The following MS4A4A variants were observed in gnomAD, a reference collection of about 807,000 sequenced individuals.
MS4A4A encodes membrane-spanning 4-domains subfamily A member 4A.
MS4A4A carries 26 observed loss-of-function variants against 28.0 expected under a neutral mutation model. The observed-to-expected ratio is 0.93, with a 90% CI of 0.68 to 1.29. The LOEUF is 1.29. Ranked by LOEUF, MS4A4A falls within the 50% of genes most tolerant of loss-of-function variation. The pLI, the probability that MS4A4A is intolerant of heterozygous loss-of-function variation, is 0.00. For missense variants in MS4A4A, 290 were observed against 293.1 expected, an observed-to-expected ratio of 0.99 and a Z score of 0.08; for synonymous variants, 86 against 100.8, an observed-to-expected ratio of 0.85 and a Z score of 0.88.
At chr11:60,287,854 T>C (rs1426145340) in intron 1 of MS4A4A, among the ~76,000 whole-genome samples, 2 of 152,150 alleles carry the variant, frequency 1.3e-5, no homozygotes, top group East Asian at 3.8e-4. Context: ...GTGTAAGTGG[T>C]TTCAAGTGAG....
At chr11:60,289,593 G>GTA (rs1430185864) in intron 1 of MS4A4A, among the ~76,000 whole-genome samples, 1 of 64,062 alleles carries the variant, frequency 1.6e-5, no homozygotes, top group Non-Finnish European at 3.6e-5. Flanking sequence ...GTGTGTGTGT[G>GTA]TATGTGTGTG....
At chr11:60,282,541 T>C in intron 1 of MS4A4A, 9 of 1,265,854 alleles carry the variant, frequency 7.1e-6, no homozygotes, top group Non-Finnish European at 9.2e-6. Context: ...TAAAATGCTG[T>C]TCATGTGTGA....
At chr11:60,299,006 G>A (rs1332445108) in intron 3 of MS4A4A, among the ~76,000 whole-genome samples, 1 of 151,986 alleles carries the variant, frequency 6.6e-6, no homozygotes, top group Non-Finnish European at 1.5e-5. Context: ...TTCTGTATAT[G>A]TTTCACATTC....
intron 1 of MS4A4A, among the ~76,000 whole-genome samples, chr11:60,282,118 C>G (rs955523593): frequency 3.3e-5 from 5 of 152,090 alleles, no homozygotes; most frequent in Non-Finnish European, 7.4e-5. Flanking sequence ...AGAACCTGAC[C>G]TATGTTACCA....
intron 4 of MS4A4A, 133 bp from the exon 5 acceptor site, chr11:60,302,426 A>G: frequency 1.1e-6 from 1 of 902,498 alleles, no homozygotes; most frequent in Non-Finnish European, 1.6e-6. Context: ...CCACAAGACA[A>G]GTTAGAAGAC....
chr11:60,294,892 A>ACTACTACTTCTTCTTCCTCTT lies in MS4A4A; in HGVS notation c.202-2303_202-2302insACTACTTCTTCTTCCTCTTCT, dbSNP rs60374079. On this transcript the variant is annotated intron_variant, in intron 2 of 6. Coordinates refer to ENST00000337908, the MANE Select transcript of MS4A4A (RefSeq NM_148975.3). ...GGGTAGTGTTAGTCCTACAACTACT[A>ACTACTACTTCTTCTTCCTCTT]CTTCTTCTTCTTCTTCTTCTTCTTC... Among the ~76,000 whole-genome samples, 3 of 130,942 alleles carry ACTACTACTTCTTCTTCCTCTT rather than the reference A, an allele frequency of 2.3e-5. No homozygotes were observed. In the South Asian group the frequency reaches 8.9e-4, roughly 39 times the overall value. The allele number at this position is 130,942 out of a possible 152,430, so 85.9% of individuals were successfully genotyped here.
intron 2 of MS4A4A, among the ~76,000 whole-genome samples, chr11:60,294,845 C>T (rs1466187246): frequency 6.6e-6 from 1 of 150,712 alleles, no homozygotes; most frequent in Non-Finnish European, 1.5e-5. Flanking sequence ...ATTACTATCA[C>T]TTTATAGTAT....
At position 60,308,139 on chromosome 11, in the gene MS4A4A, G is replaced by T. The variant is rs142505660; in HGVS notation, c.681G>T (p.Met227Ile). The change falls in exon 7 of 7, where the codon ATG becomes ATT. Residue 227 changes from methionine to isoleucine, a missense_variant. Physicochemically the swap from Met to Ile is conservative, Grantham distance 10. Coordinates refer to ENST00000337908, the MANE Select transcript of MS4A4A (RefSeq NM_148975.3). ...VVLILPSHSHMAETASPTPLN... is the reference protein window; with the variant it reads ...VVLILPSHSHIAETASPTPLN... ...TAATTCTGCCATCACATTCTCACAT[G>T]GCAGAAACAGCATCTCCCACACCAC... The T allele has an allele frequency of 1.2e-6, 2 of 1,613,860 alleles. No homozygotes were observed. The highest frequency in any genetic ancestry group is 2.7e-5 in the African/African-American group (2 of 74,890).
rs547495814 is a variant in MS4A4A at position 60,308,048 on chromosome 11, A to C, written c.649-59A>C. On this transcript the variant is annotated intron_variant, in intron 6 of 6. Coordinates refer to ENST00000337908, the MANE Select transcript of MS4A4A (RefSeq NM_148975.3). The stretch of plus-strand genomic sequence containing the variant: ...ATAATGATGACTTTATGTGGGCAGG[A>C]AAGGGGCACTCTGAGGTGATTTGGG... 26 of 1,454,906 alleles carry C rather than the reference A, an allele frequency of 1.8e-5. No individual in the cohort carries two copies. In the South Asian group the frequency reaches 2.9e-4, roughly 16 times the overall value. The allele number at this position is 1,454,906 out of a possible 1,614,324, so 90.1% of individuals were successfully genotyped here.
intron 1 of MS4A4A, among the ~76,000 whole-genome samples, chr11:60,287,387 C>T (rs2084812389): frequency 6.6e-6 from 1 of 152,126 alleles, no homozygotes; most frequent in Admixed American, 6.6e-5. Flanking sequence ...TTCAGGAGTC[C>T]ACTCCTGTGA....
intron 2 of MS4A4A, among the ~76,000 whole-genome samples, chr11:60,296,440 GTTTA>G (rs1180234735): frequency 1.3e-5 from 2 of 151,500 alleles, no homozygotes; most frequent in Non-Finnish European, 3.0e-5. Flanking sequence ...TATTGATTTT[GTTTA>G]TTCATGTTCT....
intron 2 of MS4A4A, among the ~76,000 whole-genome samples, chr11:60,296,470 A>AT (rs1207428315): frequency 1.3e-5 from 2 of 151,758 alleles, no homozygotes; most frequent in Non-Finnish European, 2.9e-5. Context: ...CAATTTTATG[A>AT]TTTCTGCTCT....
chr11:60,284,260 T>C (rs1456522934), intron 1 of MS4A4A, among the ~76,000 whole-genome samples: 2 of 152,226 alleles, frequency 1.3e-5, no homozygotes, highest in African/African-American at 4.8e-5. Flanking sequence ...ATATAAAACA[T>C]TTAAACCAGT....
chr11:60,286,950 C>A lies in MS4A4A; in HGVS notation c.42-5275C>A, dbSNP rs139660314. On this transcript the variant is annotated intron_variant, in intron 1 of 6. Transcript: ENST00000337908. ...GGTTTGTTTTTGTAGATATTTGTTT[C>A]TTTCTTGTGCTCTGGTCTACCTTTG... 4.9e-3 allele frequency among the ~76,000 whole-genome samples: 749 copies of A among 152,140 alleles called. 8 individuals carry two copies. Among genetic ancestry groups the A allele is most frequent in the African/African-American group, 0.017 (700 of 41,504 alleles).
At chr11:60,282,003 G>A (rs567960771) in intron 1 of MS4A4A, among the ~76,000 whole-genome samples, 11 of 152,146 alleles carry the variant, frequency 7.2e-5, no homozygotes, top group African/African-American at 1.2e-4. Flanking sequence ...TTCATGTGCC[G>A]TAGATAATTA....
chr11:60,303,205 C>T (rs1160740262), intron 5 of MS4A4A, among the ~76,000 whole-genome samples: 1 of 152,214 alleles, frequency 6.6e-6, no homozygotes, highest in Non-Finnish European at 1.5e-5. Context: ...CCTGATAAAT[C>T]TCAGTCTTCA....
chr11:60,281,714 G>C (rs1013425501), intron 1 of MS4A4A, among the ~76,000 whole-genome samples: 1 of 152,160 alleles, frequency 6.6e-6, no homozygotes, highest in African/African-American at 2.4e-5. Flanking sequence ...GGAAATAAGA[G>C]ACTGGTGGTG....
intron 2 of MS4A4A, among the ~76,000 whole-genome samples, chr11:60,294,950 C>CTTCTTCTTCTTCTTCTTCT (rs1565145993): frequency 1.4e-5 from 2 of 139,898 alleles, no homozygotes; most frequent in East Asian, 4.1e-4. Flanking sequence ...TCTTCTTCTT[C>CTTCTTCTTCTTCTTCTTCT]TAGATTGTGT....
chr11:60,298,448 C>A (rs1346664858), intron 3 of MS4A4A, among the ~76,000 whole-genome samples: 2 of 152,194 alleles, frequency 1.3e-5, no homozygotes, highest in Admixed American at 1.3e-4. Context: ...AATAACAGCT[C>A]TTATTAAACT....
Sources: gnomAD v4.1 joint callset for allele counts (sites outside exome capture counted in the v4.1 genomes callset) on GRCh38, gnomAD v4.1.1 for gene constraint, MANE v1.5 for transcripts, NCBI Gene and HGNC (gene_info 2026-07-23, HGNC 2026-07-21) for gene names.